Variants in HACE1 observed in about 807,000 individuals in gnomAD.
HACE1 encodes the protein HECT domain and ankyrin repeat containing E3 ubiquitin protein ligase 1.
Under a neutral mutation model 118.4 loss-of-function variants are expected in HACE1, and 73 were observed. That is an observed-to-expected ratio of 0.62 (90% CI 0.51 to 0.75). The LOEUF (loss-of-function observed/expected upper bound fraction) is 0.75. Ranked by LOEUF, HACE1 falls within the 30% of genes least tolerant of loss-of-function variation. The pLI, the probability that HACE1 is intolerant of heterozygous loss-of-function variation, is 0.00. For synonymous variants in HACE1, 368 were observed against 374.8 expected, an observed-to-expected ratio of 0.98 and a Z score of 0.21; for missense variants, 749 against 1,102.2, an observed-to-expected ratio of 0.68 and a Z score of 4.54.
At position 104,821,561 on chromosome 6, in the gene HACE1, G is replaced by C. The variant is rs191463621; in HGVS notation, c.535-10168C>G. ...AATAACACTAATATGTACCCAGACAGTGTGCTAATAAGCATTTATCATTTC... is the reference window on the plus strand; with the variant it reads ...AATAACACTAATATGTACCCAGACACTGTGCTAATAAGCATTTATCATTTC... On this transcript the variant is annotated intron_variant, in intron 6 of 23. Coordinates refer to ENST00000262903, the MANE Select transcript of HACE1 (RefSeq NM_020771.4). Among the ~76,000 whole-genome samples, 12 of 152,270 alleles carry C rather than the reference G, an allele frequency of 7.9e-5. No individual in the cohort carries two copies. The East Asian group carries it at 2.3e-3, about 29-fold the overall frequency.
chr6:104,857,947 A>G (rs1369334909), intron 1 of HACE1, among the ~76,000 whole-genome samples: 1 of 126,146 alleles, frequency 7.9e-6, no homozygotes, highest in Non-Finnish European at 1.7e-5. Flanking sequence ...ACAGAGTGAG[A>G]CTCCGTCTCA....
chr6:104,759,783 A>T (rs1376974900), intron 19 of HACE1, among the ~76,000 whole-genome samples: 3 of 152,186 alleles, frequency 2.0e-5, no homozygotes, highest in South Asian at 2.1e-4. Context: ...GAAAAGATCA[A>T]CAAAATAGAT....
At chr6:104,738,154 A>G (rs1371892599) in intron 22 of HACE1, among the ~76,000 whole-genome samples, 4 of 150,488 alleles carry the variant, frequency 2.7e-5, no homozygotes, top group Non-Finnish European at 5.9e-5. Context: ...CATCCACACC[A>G]AAAACCCATC....
rs1161290982 is a variant in HACE1, at chr6:104,742,109, T to C, written c.2513+2051A>G. Among the ~76,000 whole-genome samples the C allele has an allele frequency of 2.2e-5, 3 of 134,764 alleles. 1 individual carries two copies. Among genetic ancestry groups the C allele is most frequent in the Non-Finnish European group, 3.2e-5 (2 of 62,944 alleles). 88.4% of individuals were successfully genotyped at this position (134,764 alleles called of 152,430 possible). A position where few individuals can be genotyped will look rare whatever the true frequency, so the allele number is the denominator to read the frequency against. The stretch of plus-strand genomic sequence containing the variant: ...GTGCTGGGAAAACTGGCTAGCCATA[T>C]GTAGAAAGCTGAAACTGGATCTCTT... On this transcript the variant is annotated intron_variant, in intron 22 of 23. Coordinates refer to ENST00000262903, the MANE Select transcript of HACE1 (RefSeq NM_020771.4).
intron 7 of HACE1, among the ~76,000 whole-genome samples, chr6:104,803,801 A>G (rs1055668765): frequency 6.6e-6 from 1 of 152,146 alleles, no homozygotes; most frequent in Non-Finnish European, 1.5e-5. Context: ...TTGAAAACCG[A>G]CACAAGAGAA....
intron 22 of HACE1, among the ~76,000 whole-genome samples, chr6:104,741,914 G>T (rs11510521): frequency 3.0e-4 from 46 of 151,620 alleles, no homozygotes; most frequent in African/African-American, 8.0e-4. Flanking sequence ...CAAACTATAC[G>T]ACAAGGCTAC....
chr6:104,848,018 A>G (rs1051771308), intron 4 of HACE1, among the ~76,000 whole-genome samples: 1 of 151,606 alleles, frequency 6.6e-6, no homozygotes, highest in African/African-American at 2.4e-5. Context: ...TGCCTGGATT[A>G]TTTTTGTATT....
chr6:104,826,332 T>C lies in HACE1; in HGVS notation c.534+6710A>G, dbSNP rs142850005. 8.6e-4 allele frequency among the ~76,000 whole-genome samples: 131 copies of C among 152,298 alleles called. 1 individual carries two copies. Among genetic ancestry groups the C allele is most frequent in the African/African-American group, 2.9e-3 (122 of 41,552 alleles). On this transcript the variant is annotated intron_variant, in intron 6 of 23. Coordinates refer to ENST00000262903, the MANE Select transcript of HACE1 (RefSeq NM_020771.4). ...AAAAAACCTGCCTTCAAGAAGTTTA[T>C]AGTAGAAAGGGAAGATAAAGTGACA...
At chr6:104,767,301 C>A (rs531488095) in intron 19 of HACE1, among the ~76,000 whole-genome samples, 4 of 152,204 alleles carry the variant, frequency 2.6e-5, no homozygotes, top group African/African-American at 9.6e-5. Flanking sequence ...ATCCTTGAGT[C>A]CTTCCTCTTT....
intron 22 of HACE1, among the ~76,000 whole-genome samples, chr6:104,737,369 CGT>C (rs1162078716): frequency 6.6e-6 from 1 of 151,290 alleles, no homozygotes; most frequent in Non-Finnish European, 1.5e-5. Context: ...CAGCTCCCAG[CGT>C]GAGCCACGCA....
intron 6 of HACE1, among the ~76,000 whole-genome samples, chr6:104,831,963 GAGAAGAGAAGAGAAGAGA>G (rs1773964011): frequency 7.9e-5 from 7 of 88,540 alleles, no homozygotes; most frequent in Non-Finnish European, 1.1e-4. Context: ...GAGAAGAGAA[GAGAAGAGAAGAGAAGAGA>G]GGAAGGAAGG....
At chr6:104,740,367 A>C (rs1223071476) in intron 22 of HACE1, among the ~76,000 whole-genome samples, 1 of 151,656 alleles carries the variant, frequency 6.6e-6, no homozygotes, top group Non-Finnish European at 1.5e-5. Context: ...CAAAAAATTA[A>C]TGAATCCAGG....
At chr6:104,753,942 G>C (rs943692069) in intron 19 of HACE1, among the ~76,000 whole-genome samples, 1 of 152,154 alleles carries the variant, frequency 6.6e-6, no homozygotes, top group African/African-American at 2.4e-5. Flanking sequence ...CAGAAGGTGG[G>C]TAATAATAAA....
rs780720534 is a variant in HACE1 at position 104,730,356 on chromosome 6, A to G, written c.2574T>C (p.Phe858=). The change falls in exon 23 of 24, where the codon TTT becomes TTC. Residue 858 remains phenylalanine, a synonymous_variant. Transcript: ENST00000262903. The stretch of plus-strand genomic sequence containing the variant: ...GAGTATATGGCACAGCAGCGATTGT[A>G]AAGTTTTGCAATCCACTTCCACCCA... ...NIMGGSGLQN[F]TIAAVPYTPN... is the part of the protein sequence containing the mutation. The G allele has an allele frequency of 8.1e-6, 13 of 1,604,860 alleles. No homozygotes were observed. The highest frequency in any genetic ancestry group is 1.1e-5 in the Non-Finnish European group (13 of 1,171,510).
intron 10 of HACE1, 96 bp downstream of exon 10, chr6:104,795,483 T>C (rs1030230874): frequency 1.3e-6 from 1 of 797,350 alleles, no homozygotes; most frequent in Non-Finnish European, 2.2e-6. Flanking sequence ...AACATCGTTA[T>C]CACTGACAAA....
At chr6:104,736,693 T>C (rs538486310) in intron 22 of HACE1, among the ~76,000 whole-genome samples, 11 of 152,252 alleles carry the variant, frequency 7.2e-5, no homozygotes, top group Admixed American at 2.0e-4. Flanking sequence ...ACAAAAACAA[T>C]ATATTAAATT....
chr6:104,734,352 C>G (rs1222709328), intron 22 of HACE1, among the ~76,000 whole-genome samples: 3 of 151,696 alleles, frequency 2.0e-5, no homozygotes, highest in Non-Finnish European at 4.4e-5. Context: ...TACTACAGAC[C>G]TGTAGAAAGA....
intron 19 of HACE1, among the ~76,000 whole-genome samples, chr6:104,756,422 AAAAAATATAT>A (rs982612543): frequency 1.5e-5 from 2 of 129,614 alleles, no homozygotes; most frequent in African/African-American, 5.6e-5. Flanking sequence ...AAAAAAAAAA[AAAAAATATAT>A]ATATATATAT....
rs558661651 is a variant in HACE1 at position 104,736,887 on chromosome 6, T to TG, written c.2514-6472dup. On this transcript the variant is annotated intron_variant, in intron 22 of 23. Coordinates refer to ENST00000262903, the MANE Select transcript of HACE1 (RefSeq NM_020771.4). ...GTTAATTGTATGTATCTCTGAATAG[T>TG]GGGATCACTTAACATTAAGGATTTT... Among the ~76,000 whole-genome samples the TG allele has an allele frequency of 1.6e-4, 24 of 152,090 alleles. 1 individual carries two copies. The highest frequency in any genetic ancestry group is 3.1e-4 in the Non-Finnish European group (21 of 68,018).
Sources: gnomAD v4.1 joint callset for allele counts (sites outside exome capture counted in the v4.1 genomes callset) on GRCh38, gnomAD v4.1.1 for gene constraint, MANE v1.5 for transcripts, NCBI Gene and HGNC (gene_info 2026-07-23, HGNC 2026-07-21) for gene names.